Variants in SLC18A1 observed in about 807,000 individuals in gnomAD.
SLC18A1 encodes chromaffin granule amine transporter.
In SLC18A1, 69 loss-of-function variants were observed where a neutral mutation model predicts 53.7. The ratio of observed to expected loss-of-function variants is 1.28; its 90% CI spans 1.06 to 1.57. The LOEUF is 1.57. SLC18A1 is among the 40% of genes most tolerant of loss of function. The pLI, the probability that SLC18A1 is intolerant of heterozygous loss-of-function variation, is 0.00. For synonymous variants in SLC18A1, 320 were observed against 248.1 expected, an observed-to-expected ratio of 1.29 and a Z score of -2.72; for missense variants, 932 against 668.1, an observed-to-expected ratio of 1.40 and a Z score of -4.35.
intron 10 of SLC18A1, among the ~76,000 whole-genome samples, chr8:20,164,072 C>T (rs75783395): frequency 0.036 from 5,408 of 152,128 alleles, 329 homozygotes; most frequent in African/African-American, 0.12. Context: ...TTAGAATTGC[C>T]CCCCCAAAAT....
intron 12 of SLC18A1, chr8:20,148,360 G>A (rs1299048722): frequency 1.5e-5 from 13 of 896,444 alleles, no homozygotes; most frequent in Non-Finnish European, 1.7e-5. Context: ...ATGCTCTAAC[G>A]AGGGTCTTCC....
In SLC18A1 at chr8:20,179,341, C is replaced by T. The variant is rs373770885; in HGVS notation, c.268G>A (p.Val90Met). ...TIFSFFNNNT[V>M]AVEESVPSGI... is the part of the protein sequence containing the mutation. ...CTAGGTACGCTTTCTTCAACAGCCA[C>T]GGTGTTGTTGTTGAAGAAGGAGAAG... The change falls in exon 3 of 16, where the codon GTG becomes ATG. Residue 90 changes from valine (V) to methionine (M), a missense_variant. Coordinates refer to ENST00000276373, the MANE Select transcript of SLC18A1 (RefSeq NM_003053.4). The T allele has an allele frequency of 5.1e-5, 83 of 1,614,008 alleles. No individual in the cohort carries two copies. Among genetic ancestry groups the T allele is most frequent in the East Asian group, 8.9e-5 (4 of 44,878 alleles).
chr8:20,151,371 T>G (rs1466284718), intron 10 of SLC18A1, among the ~76,000 whole-genome samples: 1 of 152,058 alleles, frequency 6.6e-6, no homozygotes, highest in Non-Finnish European at 1.5e-5. Context: ...ATGTATAAAA[T>G]ACCCTTGATT....
chr8:20,155,181 A>T (rs988890162), intron 10 of SLC18A1, among the ~76,000 whole-genome samples: 1 of 152,176 alleles, frequency 6.6e-6, no homozygotes, highest in African/African-American at 2.4e-5. Flanking sequence ...AGCCCGCCCC[A>T]TCTTGGGAGC....
At chr8:20,149,606 CTCTCTCTCTCTG>C (rs2071495760) in intron 12 of SLC18A1, 58 bp downstream of exon 12, 3 of 1,234,484 alleles carry the variant, frequency 2.4e-6, no homozygotes, top group African/African-American at 3.6e-5. Context: ...CTCTCTCTCT[CTCTCTCTCTCTG>C]TCTGTCTGTC....
chr8:20,171,692 G>T (rs2132701), intron 6 of SLC18A1, among the ~76,000 whole-genome samples, 198 bp from the exon 7 acceptor site: 4 of 132,706 alleles, frequency 3.0e-5, no homozygotes, highest in Non-Finnish European at 5.2e-5. Context: ...GTGTGTGTGT[G>T]TGTGTGTGTG....
intron 5 of SLC18A1, among the ~76,000 whole-genome samples, chr8:20,173,779 C>G (rs1585220997): frequency 6.6e-6 from 1 of 152,228 alleles, no homozygotes; most frequent in East Asian, 1.9e-4. Flanking sequence ...TGCCCTTCTT[C>G]ATAGCTTCAC....
intron 15 of SLC18A1, among the ~76,000 whole-genome samples, chr8:20,146,990 T>G (rs914932660): frequency 6.6e-6 from 1 of 152,148 alleles, no homozygotes; most frequent in Non-Finnish European, 1.5e-5. Context: ...AGGATGTCTT[T>G]GATGGTCCTC....
intron 2 of SLC18A1, 139 bp downstream of exon 2, chr8:20,180,702 T>C: frequency 9.3e-7 from 1 of 1,074,010 alleles, no homozygotes; most frequent in African/African-American, 1.6e-5. Flanking sequence ...TTTTTTCCAG[T>C]CCCCAACAAC....
At chr8:20,160,592 C>CA (rs1473343022) in intron 10 of SLC18A1, among the ~76,000 whole-genome samples, 1 of 151,974 alleles carries the variant, frequency 6.6e-6, no homozygotes, top group Non-Finnish European at 1.5e-5. Context: ...TCCTGTATTC[C>CA]ACGCACTGGG....
intron 7 of SLC18A1, 27 bp downstream of exon 7, chr8:20,171,378 C>G (rs1215066521): frequency 1.3e-6 from 2 of 1,594,868 alleles, no homozygotes; most frequent in Non-Finnish European, 8.6e-7. Flanking sequence ...GGGCTGTCAC[C>G]TGCTGGAGGC....
intron 13 of SLC18A1, 121 bp downstream of exon 13, chr8:20,147,886 C>A: frequency 1.8e-5 from 26 of 1,427,918 alleles, no homozygotes; most frequent in Non-Finnish European, 2.4e-5. Context: ...ACCCTGCCAG[C>A]TGCCCTCCTG....
chr8:20,147,376 C>T lies in SLC18A1; in HGVS notation c.1346G>A (p.Gly449Asp). Reference sequence around the variant, plus strand: ...AAAACCGATGGCCTTTACAATGGCACCACCGGTGGATGGACCTGGGAGGGA... The same window carrying T: ...AAAACCGATGGCCTTTACAATGGCATCACCGGTGGATGGACCTGGGAGGGA... ...MGFAIGPSTGGAIVKAIGFPW... is the reference protein window; with the variant it reads ...MGFAIGPSTGDAIVKAIGFPW... Residue 449 changes from glycine (G) to aspartate (D), a missense_variant, in exon 15 of 16, where the codon GGT (glycine) becomes GAT (aspartate). Transcript: ENST00000276373. 6.2e-7 allele frequency: 1 copy of T among 1,610,442 alleles called. No homozygotes were observed.
chr8:20,173,820 A>G (rs750097219), intron 5 of SLC18A1, among the ~76,000 whole-genome samples: 1 of 152,052 alleles, frequency 6.6e-6, no homozygotes, highest in African/African-American at 2.4e-5. Flanking sequence ...AGCTAGCTGC[A>G]TCTGAATATT....
At chr8:20,162,598 C>T (rs1296676652) in intron 10 of SLC18A1, among the ~76,000 whole-genome samples, 1 of 152,160 alleles carries the variant, frequency 6.6e-6, no homozygotes, top group East Asian at 1.9e-4. Context: ...TTCTTCATTC[C>T]ATGAAGTCCT....
chr8:20,174,312 G>A, intron 5 of SLC18A1, 49 bp downstream of exon 5: 1 of 1,225,934 alleles, frequency 8.2e-7, no homozygotes, highest in African/African-American at 1.5e-5. Flanking sequence ...AGAGATGTGT[G>A]TGTGTGCATG....
intron 10 of SLC18A1, among the ~76,000 whole-genome samples, chr8:20,160,981 T>G (rs1286670478): frequency 3.3e-5 from 5 of 152,234 alleles, no homozygotes; most frequent in African/African-American, 9.6e-5. Flanking sequence ...CCCCTAGGAC[T>G]TTATCACCTA....
At chr8:20,153,595 A>G (rs942161610) in intron 10 of SLC18A1, among the ~76,000 whole-genome samples, 9 of 151,802 alleles carry the variant, frequency 5.9e-5, no homozygotes, top group African/African-American at 1.9e-4. Flanking sequence ...GGAGAATGGC[A>G]TGAACCTGAG....
In SLC18A1 at chr8:20,180,888, A is replaced by G. The variant is rs1563777887; in HGVS notation, c.77T>C (p.Val26Ala). The G allele has an allele frequency of 6.2e-7, 1 of 1,613,724 alleles. No individual in the cohort carries two copies. The highest frequency in any genetic ancestry group is 8.5e-7 in the Non-Finnish European group (1 of 1,179,832). ...GTCCAGGAGCAAAGCGACGAATACC[A>G]CCACCAGCACCAGCTGCCGGGACGC... ...GRASRQLVLV[V>A]VFVALLLDNM... The change falls in exon 2 of 16, where the codon GTG (valine) becomes GCG (alanine). Residue 26 changes from valine (V) to alanine (A), a missense_variant. Coordinates refer to ENST00000276373, the MANE Select transcript of SLC18A1 (RefSeq NM_003053.4).
Sources: gnomAD v4.1 joint callset for allele counts (sites outside exome capture counted in the v4.1 genomes callset) on GRCh38, gnomAD v4.1.1 for gene constraint, MANE v1.5 for transcripts, NCBI Gene and HGNC (gene_info 2026-07-23, HGNC 2026-07-21) for gene names.